Variants in LEPR observed in about 807,000 individuals in gnomAD.
The protein encoded by LEPR is OB receptor.
A neutral mutation model predicts 114.7 loss-of-function variants in LEPR; 56 were observed. The ratio of observed to expected loss-of-function variants is 0.49; its 90% CI spans 0.39 to 0.61. LEPR has a LOEUF of 0.61. LEPR is among the 20% of genes least tolerant of loss of function. The pLI, the probability that LEPR is intolerant of heterozygous loss-of-function variation, is 0.00. For missense variants in LEPR, 1,202 were observed against 1,352.9 expected (o/e 0.89, Z 1.75); for synonymous variants, 443 against 461.4 (o/e 0.96, Z 0.51).
intron 10 of LEPR, 24 bp downstream of exon 10, chr1:65,601,984 G>T (rs759201413): frequency 6.3e-7 from 1 of 1,588,496 alleles, no homozygotes; most frequent in Admixed American, 1.7e-5. Flanking sequence ...TTGCTGTTTT[G>T]TTTTTCTGTG....
At chr1:65,442,814 A>G (rs1646666535) in intron 2 of LEPR, among the ~76,000 whole-genome samples, 1 of 152,236 alleles carries the variant, frequency 6.6e-6, no homozygotes, top group Non-Finnish European at 1.5e-5. Flanking sequence ...GCAGAAGCTT[A>G]GAAAATCGGC....
At chr1:65,421,600 C>T in intron 1 of LEPR, 2 of 921,360 alleles carry the variant, frequency 2.2e-6, no homozygotes, top group South Asian at 1.6e-5. Context: ...AGTATATATA[C>T]GAGTACGCCT....
intron 19 of LEPR, among the ~76,000 whole-genome samples, chr1:65,624,327 T>C (rs936279180): frequency 6.6e-6 from 1 of 152,082 alleles, no homozygotes; most frequent in Non-Finnish European, 1.5e-5. Flanking sequence ...TCAGTTACCC[T>C]ATGGGACAAG....
Position 65,633,082 on chromosome 1 carries a change from TC to T in LEPR, c.2674-3108del. On this transcript the variant is annotated intron_variant, in intron 19 of 19. Transcript: ENST00000349533. This position sits in a 1 kb window ranked among gnomAD's most constrained non-coding sequence, Gnocchi z 4.1. ...CCATGCTTGACAATGTTTTTTGAAA[TC>T]TTTTATCTTTTTCTTTGTGAGTGAT... 8.8e-7 allele frequency: 1 copy of T among 1,135,792 alleles called. No homozygotes were observed. The highest frequency in any genetic ancestry group is 1.3e-6 in the Non-Finnish European group (1 of 762,914). The allele number at this position is 1,135,792 out of a possible 1,614,324, so 70.4% of individuals were successfully genotyped here. A position where few individuals can be genotyped will look rare whatever the true frequency, so the allele number is the denominator to read the frequency against.
intron 2 of LEPR, among the ~76,000 whole-genome samples, chr1:65,484,532 C>A (rs563300672): frequency 6.6e-6 from 1 of 152,046 alleles, no homozygotes; most frequent in Non-Finnish European, 1.5e-5. Context: ...ACAAAGAGAG[C>A]GTCATCAGTT....
At chr1:65,425,259 A>C in intron 1 of LEPR, 44 bp from the exon 2 acceptor site, 1 of 1,562,270 alleles carries the variant, frequency 6.4e-7, no homozygotes, top group Non-Finnish European at 8.8e-7. Flanking sequence ...GTGCCTGACA[A>C]CCTCTACTGT....
chr1:65,430,152 A>G, intron 2 of LEPR: 1 of 1,023,964 alleles, frequency 9.8e-7, no homozygotes, highest in Non-Finnish European at 1.3e-6. Flanking sequence ...CTTTATACTC[A>G]AGGCCGTGTG....
At chr1:65,477,756 T>G (rs925162735) in intron 2 of LEPR, among the ~76,000 whole-genome samples, 4 of 152,226 alleles carry the variant, frequency 2.6e-5, no homozygotes, top group African/African-American at 4.8e-5. Context: ...CCTGACCACA[T>G]TATGAGTTCT....
intron 2 of LEPR, among the ~76,000 whole-genome samples, chr1:65,446,085 T>C (rs930400162): frequency 1.3e-5 from 2 of 152,254 alleles, no homozygotes; most frequent in Admixed American, 1.3e-4. Flanking sequence ...TATTTTTATC[T>C]GATATACCAA....
In LEPR at chr1:65,633,900, C is replaced by T. The variant is rs574306988; in HGVS notation, c.2674-2291C>T. On this transcript the variant is annotated intron_variant, in intron 19 of 19. Transcript: ENST00000349533. This position sits in a 1 kb window ranked among gnomAD's most constrained non-coding sequence, Gnocchi z 4.1. ...TCATATCAGGATGACCCTACATACC[C>T]AGGTCAGATTGACGGGACCAGAAGG... 1 of 985,384 alleles carries T rather than the reference C, an allele frequency of 1.0e-6. No individual in the cohort carries two copies. 61.0% of individuals were successfully genotyped at this position (985,384 alleles called of 1,614,324 possible). A position where few individuals can be genotyped will look rare whatever the true frequency, so the allele number is the denominator to read the frequency against.
At chr1:65,503,796 TACACACACACAC>T (rs71584485) in intron 2 of LEPR, among the ~76,000 whole-genome samples, 58 of 147,368 alleles carry the variant, frequency 3.9e-4, no homozygotes, top group African/African-American at 5.3e-4. Context: ...TGAAGTTAGC[TACACACACACAC>T]ACACACACAC....
chr1:65,547,214 T>G (rs1018547829), intron 2 of LEPR, among the ~76,000 whole-genome samples: 4 of 152,130 alleles, frequency 2.6e-5, no homozygotes, highest in African/African-American at 9.7e-5. Context: ...TTTGCCAGTA[T>G]TTTATTGAGG....
intron 2 of LEPR, chr1:65,486,369 G>A (rs994143869): frequency 6.6e-6 from 1 of 152,094 alleles, no homozygotes. Flanking sequence ...ATGACTAAAT[G>A]AGTTCTCTCT....
At chr1:65,629,278 C>T (rs963080705) in intron 19 of LEPR, 1 of 397,232 alleles carries the variant, frequency 2.5e-6, no homozygotes, top group Admixed American at 3.2e-5. Context: ...CGCTTCCCTC[C>T]ATTTCTCCCT....
intron 2 of LEPR, among the ~76,000 whole-genome samples, chr1:65,426,886 T>C (rs949944720): frequency 1.3e-5 from 2 of 151,954 alleles, no homozygotes; most frequent in Admixed American, 1.3e-4. Flanking sequence ...TATTCCCAGC[T>C]ACTTAGGAGG....
intron 2 of LEPR, among the ~76,000 whole-genome samples, chr1:65,488,182 T>C (rs1570544967): frequency 1.0e-4 from 2 of 19,228 alleles, no homozygotes; most frequent in African/African-American, 2.3e-4. Flanking sequence ...CTTTCTTTCT[T>C]TCTTTCTTTC....
intron 2 of LEPR, among the ~76,000 whole-genome samples, chr1:65,487,115 A>G (rs953206492): frequency 1.6e-4 from 25 of 152,206 alleles, no homozygotes; most frequent in Admixed American, 1.4e-3. Flanking sequence ...AACCAATTGT[A>G]TAATAGAATT....
chr1:65,604,414 C>G (rs867500349), intron 10 of LEPR, among the ~76,000 whole-genome samples: 1 of 152,022 alleles, frequency 6.6e-6, no homozygotes, highest in African/African-American at 2.4e-5. Flanking sequence ...GTACCATCTC[C>G]GTTCACTGCA....
intron 19 of LEPR, chr1:65,626,477 C>A (rs772139700): frequency 5.1e-6 from 1 of 196,922 alleles, no homozygotes; most frequent in Non-Finnish European, 9.1e-6. Flanking sequence ...GCTGACCAGG[C>A]GCATAAATAA....
Sources: gnomAD v4.1 joint callset for allele counts (sites outside exome capture counted in the v4.1 genomes callset) on GRCh38, gnomAD v4.1.1 for gene constraint, Gnocchi (gnomAD v3.1) non-coding constraint, MANE v1.5 for transcripts, NCBI Gene and HGNC (gene_info 2026-07-23, HGNC 2026-07-21) for gene names.